PLXNA1: variants seen among roughly 807,000 people sequenced by gnomAD.
The protein encoded by PLXNA1 is plexin-A1.
Under a neutral mutation model 191.7 loss-of-function variants are expected in PLXNA1, and 77 were observed. That is an observed-to-expected ratio of 0.40 (90% CI 0.33 to 0.49). The LOEUF (loss-of-function observed/expected upper bound fraction) is 0.49. PLXNA1 is among the 20% of genes least tolerant of loss of function. The pLI is 0.63. For missense variants in PLXNA1, 2,110 were observed against 2,660.2 expected, an observed-to-expected ratio of 0.79 and a Z score of 4.55; for synonymous variants, 1,137 against 1,156.4, an observed-to-expected ratio of 0.98 and a Z score of 0.34.
At position 127,030,345 on chromosome 3, in the gene PLXNA1, C is replaced by G. The variant is rs1288128288; in HGVS notation, c.5164C>G (p.Leu1722Val). 1 of 1,613,948 alleles carries G rather than the reference C, an allele frequency of 6.2e-7. No individual in the cohort carries two copies. The highest frequency in any genetic ancestry group is 8.5e-7 in the Non-Finnish European group (1 of 1,180,028). ...PLAIKYMFDF[L>V]DEQADKHQIH... ...GGCCATCAAGTACATGTTCGACTTC[C>G]TGGATGAGCAGGCCGACAAGCACCA... The change falls in exon 29 of 32, where the codon CTG becomes GTG. Residue 1722 changes from leucine (L) to valine (V), a missense_variant. By Grantham distance (32) the Leu-to-Val change is conservative. Around this residue, in one of 4 missense-constraint regions of PLXNA1, gnomAD observed 559 missense variants for 911.5 expected, o/e 0.61. Transcript: ENST00000393409.
intron 2 of PLXNA1, 66 bp from the exon 3 acceptor site, chr3:126,991,318 C>A: frequency 1.9e-6 from 3 of 1,574,438 alleles, no homozygotes; most frequent in Non-Finnish European, 2.6e-6. Context: ...CAGCCCTGCC[C>A]AGGGAGGCCC....
chr3:127,012,259 C>T (rs1005467415), intron 10 of PLXNA1, 101 bp downstream of exon 10: 5 of 1,154,720 alleles, frequency 4.3e-6, no homozygotes, highest in Non-Finnish European at 6.1e-6. Context: ...AAGGGCAGTG[C>T]ACGTGCTCAC....
intron 2 of PLXNA1, 30 bp downstream of exon 2, chr3:126,989,817 G>A (rs770320497): frequency 7.7e-6 from 12 of 1,553,868 alleles, no homozygotes; most frequent in South Asian, 5.9e-5. Flanking sequence ...CCCTCCTCCC[G>A]CGGCCCCATC....
Position 127,034,064 on chromosome 3 carries a change from G to C in PLXNA1, c.*47G>C. 2 of 1,504,702 alleles carry C rather than the reference G, an allele frequency of 1.3e-6. No homozygotes were observed. The highest frequency in any genetic ancestry group is 9.0e-7 in the Non-Finnish European group (1 of 1,105,792). 93.2% of individuals were successfully genotyped at this position (1,504,702 alleles called of 1,614,324 possible). ...CATGATGCAGCGTGAGGACAGCTGA[G>C]CAGGGACCGGGACAGCCCTCACCGC... On this transcript the variant is annotated 3_prime_UTR_variant, in exon 32 of 32. Transcript: ENST00000393409.
intron 3 of PLXNA1, among the ~76,000 whole-genome samples, chr3:126,995,130 A>C (rs1056435643): frequency 6.6e-6 from 1 of 152,028 alleles, no homozygotes; most frequent in Non-Finnish European, 1.5e-5. Flanking sequence ...TGGGGTGTGA[A>C]ATTGTAGCTG....
chr3:127,005,932 G>A, intron 7 of PLXNA1, 147 bp from the exon 8 acceptor site: 1 of 699,986 alleles, frequency 1.4e-6, no homozygotes, highest in South Asian at 1.6e-5. Flanking sequence ...TGGTCACCTG[G>A]GGGCTGAGGG....
intron 20 of PLXNA1, 100 bp from the exon 21 acceptor site, chr3:127,020,102 G>T: frequency 1.4e-6 from 2 of 1,459,398 alleles, no homozygotes; most frequent in Non-Finnish European, 9.3e-7. Context: ...ACCAGTAAGT[G>T]TCAGAGCCAG....
rs78052417 is a variant in PLXNA1 at position 127,012,030 on chromosome 3, G to A, written c.2185G>A (p.Ala729Thr). ...VGVVKPITLA[A>T]RNLPQPQSGQ... ...AGTGGTAAAACCCATCACCCTGGCCGCACGGAACCTGCCACAGCCACAGTC... is the reference window on the plus strand; with the variant it reads ...AGTGGTAAAACCCATCACCCTGGCCACACGGAACCTGCCACAGCCACAGTC... Residue 729 changes from alanine (A) to threonine (T), a missense_variant, in exon 10 of 32, where the codon GCA (alanine) becomes ACA (threonine). Ala to Thr is a moderately conservative substitution (Grantham distance 58). This residue lies in a region of PLXNA1 where 903 missense variants were observed against 1,015.7 expected (regional missense o/e 0.89). Transcript: ENST00000393409. The A allele has an allele frequency of 1.4e-5, 23 of 1,613,608 alleles. No individual in the cohort carries two copies. The highest frequency in any genetic ancestry group is 1.9e-5 in the Non-Finnish European group (22 of 1,180,022).
intron 8 of PLXNA1, 54 bp downstream of exon 8, chr3:127,006,232 C>A (rs999757108): frequency 1.5e-6 from 2 of 1,377,262 alleles, no homozygotes; most frequent in East Asian, 2.3e-5. Flanking sequence ...TTGCCCCACT[C>A]CCGTCCCTGT....
Position 127,017,478 on chromosome 3 carries a change from C to A in PLXNA1, c.3330C>A (p.Ala1110=), listed in dbSNP as rs1377889289. The A allele has an allele frequency of 6.2e-7, 1 of 1,613,468 alleles. No individual in the cohort carries two copies. The highest frequency in any genetic ancestry group is 1.3e-5 in the African/African-American group (1 of 75,056). The change falls in exon 18 of 32, where the codon GCC becomes GCA. Residue 1110 remains alanine (A), a synonymous_variant. Transcript: ENST00000393409. The part of the protein sequence containing the change: ...TTMVCRAPSV[A]NPVRSPPELG... ...TGGTATGCCGCGCCCCGTCTGTGGC[C>A]AACCCTGTGCGCAGCCCACCAGAGC...
chr3:127,020,598 A>G (rs139991197), intron 21 of PLXNA1, among the ~76,000 whole-genome samples: 98 of 152,266 alleles, frequency 6.4e-4, no homozygotes, highest in Non-Finnish European at 1.2e-3. Flanking sequence ...TCTGCTCCAT[A>G]AAGTACCTCC....
chr3:127,018,947 A>G (rs1156893346), intron 20 of PLXNA1, among the ~76,000 whole-genome samples: 1 of 152,150 alleles, frequency 6.6e-6, no homozygotes. Context: ...TGCTTCCACC[A>G]TGCAGCAATG....
chr3:127,002,771 G>A (rs2079047123), intron 3 of PLXNA1, among the ~76,000 whole-genome samples: 1 of 152,200 alleles, frequency 6.6e-6, no homozygotes, highest in Non-Finnish European at 1.5e-5. Flanking sequence ...TTAACGCCTG[G>A]TTTGTTTGGG....
At chr3:127,014,411 C>A in intron 12 of PLXNA1, 36 bp downstream of exon 12, 1 of 1,569,902 alleles carries the variant, frequency 6.4e-7, no homozygotes, top group East Asian at 2.3e-5. Context: ...ACCCCATGCC[C>A]CGCCCTGCAC....
At chr3:127,023,210 C>A (rs1307016857) in intron 23 of PLXNA1, among the ~76,000 whole-genome samples, 1 of 152,200 alleles carries the variant, frequency 6.6e-6, no homozygotes, top group African/African-American at 2.4e-5. Context: ...ACTGGGCTTC[C>A]CCTGTGCTGT....
rs925163887 is a variant in PLXNA1 at position 127,016,153 on chromosome 3, C to T, written c.3015-364C>T. 1.1e-4 allele frequency among the ~76,000 whole-genome samples: 17 copies of T among 152,012 alleles called. No individual in the cohort carries two copies. The East Asian group carries it at 1.8e-3, about 16-fold the overall frequency. ...ACCTCCCAGCCTGGCGTGCGTGGGA[C>T]GGGCCTGCTGCCTACTGCCTCTGGG... is the stretch of plus-strand genomic sequence containing the variant. On this transcript the variant is annotated intron_variant, in intron 15 of 31. Transcript: ENST00000393409.
intron 21 of PLXNA1, among the ~76,000 whole-genome samples, chr3:127,020,560 G>A (rs1350940311): frequency 1.3e-5 from 2 of 152,160 alleles, no homozygotes; most frequent in East Asian, 3.9e-4. Flanking sequence ...GAGCCCTGGG[G>A]TTGGGGCAGG....
At chr3:127,012,302 G>T (rs1254678172) in intron 10 of PLXNA1, 144 bp downstream of exon 10, 15 of 854,430 alleles carry the variant, frequency 1.8e-5, no homozygotes, top group Non-Finnish European at 2.5e-5. Context: ...GCCACTCCTG[G>T]CTTCCCCAGG....
intron 31 of PLXNA1, among the ~76,000 whole-genome samples, chr3:127,033,697 G>A (rs2079224072): frequency 6.6e-6 from 1 of 152,142 alleles, no homozygotes; most frequent in Non-Finnish European, 1.5e-5. Flanking sequence ...GGCAGCCAAG[G>A]GATCAGAGCC....
Sources: allele counts gnomAD v4.1 joint callset (sites outside exome capture counted in the v4.1 genomes callset), GRCh38; gene constraint gnomAD v4.1.1; regional missense constraint gnomAD v4.1.1; transcripts MANE v1.5; gene names NCBI Gene and HGNC (gene_info 2026-07-23, HGNC 2026-07-21).